FSTL5: variants seen among roughly 807,000 people sequenced by gnomAD.
The protein encoded by FSTL5 is follistatin like 5, also known as follistatin-related protein 5.
A neutral mutation model predicts 89.1 loss-of-function variants in FSTL5; 62 were observed. That is an observed-to-expected ratio of 0.70 (90% confidence interval 0.57 to 0.86). FSTL5 has a LOEUF of 0.86. Among genes scored for constraint, FSTL5 ranks in the 40% least tolerant of loss-of-function variants. The pLI is 0.00. For missense variants in FSTL5, 1,057 were observed against 1,001.6 expected, an observed-to-expected ratio of 1.06 and a Z score of -0.75; for synonymous variants, 383 against 346.2, an observed-to-expected ratio of 1.11 and a Z score of -1.18.
intron 3 of FSTL5, among the ~76,000 whole-genome samples, chr4:161,999,981 G>C (rs1736413747): frequency 6.6e-6 from 1 of 152,156 alleles, no homozygotes; most frequent in Admixed American, 6.5e-5. Flanking sequence ...TATCATATAA[G>C]GTCAGCCTGT....
At chr4:161,415,669 G>T (rs1731748505) in intron 15 of FSTL5, among the ~76,000 whole-genome samples, 1 of 150,352 alleles carries the variant, frequency 6.7e-6, no homozygotes, top group African/African-American at 2.5e-5. Context: ...TATATAGAGA[G>T]AGAGAGAGAG....
At chr4:161,509,666 G>A (rs1292254354) in intron 11 of FSTL5, among the ~76,000 whole-genome samples, 2 of 152,136 alleles carry the variant, frequency 1.3e-5, no homozygotes, top group Admixed American at 6.5e-5. Context: ...GGTGGGTTTT[G>A]AAGACAATTT....
intron 6 of FSTL5, among the ~76,000 whole-genome samples, chr4:161,744,621 T>G (rs1283977179): frequency 1.3e-5 from 2 of 152,062 alleles, no homozygotes; most frequent in South Asian, 2.1e-4. Flanking sequence ...AAGTCTCTAA[T>G]AGTCACTAAA....
chr4:161,992,920 ATATATG>A (rs1317633024), intron 3 of FSTL5, among the ~76,000 whole-genome samples: 2 of 11,628 alleles, frequency 1.7e-4, no homozygotes, highest in African/African-American at 3.7e-4. Flanking sequence ...ATATATATAT[ATATATG>A]TGTGTATATA....
intron 2 of FSTL5, among the ~76,000 whole-genome samples, chr4:162,098,147 T>A (rs960663594): frequency 6.6e-6 from 1 of 152,008 alleles, no homozygotes; most frequent in Non-Finnish European, 1.5e-5. Context: ...TAAAAAGGAA[T>A]TCACTACTGA....
At chr4:161,753,562 T>C (rs67972895) in intron 6 of FSTL5, among the ~76,000 whole-genome samples, 30,414 of 152,116 alleles carry the variant, frequency 0.2, 3,088 homozygotes, top group Middle Eastern at 0.32. Context: ...AACTCTGCTA[T>C]TTTTCTCAAA....
At chr4:161,637,944 C>T (rs571852071) in intron 7 of FSTL5, among the ~76,000 whole-genome samples, 2,791 of 148,492 alleles carry the variant, frequency 0.019, 67 homozygotes, top group South Asian at 0.12. Context: ...CTTGGCGATG[C>T]GGGCTCTTTT....
chr4:161,436,622 A>C (rs1732569065), intron 15 of FSTL5, among the ~76,000 whole-genome samples: 1 of 152,194 alleles, frequency 6.6e-6, no homozygotes, highest in African/African-American at 2.4e-5. Context: ...AACTCTGTTT[A>C]TGTATTAAGC....
chr4:162,020,733 C>T (rs1277562551), intron 3 of FSTL5, among the ~76,000 whole-genome samples: 1 of 150,978 alleles, frequency 6.6e-6, no homozygotes, highest in Non-Finnish European at 1.5e-5. Flanking sequence ...TCTTATTTAA[C>T]TAAAAGAAAA....
At chr4:161,515,160 A>C (rs2126506929) in intron 10 of FSTL5, among the ~76,000 whole-genome samples, 2 of 152,174 alleles carry the variant, frequency 1.3e-5, no homozygotes, top group Admixed American at 1.3e-4. Context: ...AAAAAACCTC[A>C]AATTTAATTG....
intron 4 of FSTL5, among the ~76,000 whole-genome samples, chr4:161,792,383 T>C (rs748552363): frequency 3.9e-5 from 6 of 152,030 alleles, no homozygotes; most frequent in Admixed American, 6.6e-5. Flanking sequence ...GGATGGCAGG[T>C]TGATGACGGC....
chr4:161,459,305 G>T lies in FSTL5; in HGVS notation c.1623C>A (p.Asp541Glu). 1.2e-6 allele frequency: 2 copies of T among 1,611,214 alleles called. No homozygotes were observed. Among genetic ancestry groups the T allele is most frequent in the Non-Finnish European group, 1.7e-6 (2 of 1,177,612 alleles). ...CATAGTGTAATTTAACTGGGACAGG[G>T]TCTGTGCTCACTGCCTACAATAAAG... ...SQKVVQAVST[D>E]PVPVKLHYDK... The change falls in exon 14 of 16, where the codon GAC (aspartate) becomes GAA (glutamate). Residue 541 changes from aspartate (D) to glutamate (E), a missense_variant. Physicochemically the swap from Asp to Glu is conservative, Grantham distance 45. Coordinates refer to ENST00000306100, the MANE Select transcript of FSTL5 (RefSeq NM_020116.5).
intron 1 of FSTL5, among the ~76,000 whole-genome samples, chr4:162,162,904 T>G (rs1733749073): frequency 6.6e-6 from 1 of 152,100 alleles, no homozygotes; most frequent in African/African-American, 2.4e-5. Context: ...TACATCCACC[T>G]CTAACCTGAG....
intron 6 of FSTL5, among the ~76,000 whole-genome samples, chr4:161,704,223 C>T (rs982661814): frequency 2.0e-5 from 3 of 152,132 alleles, no homozygotes; most frequent in African/African-American, 7.2e-5. Context: ...CCAGAAGCCC[C>T]CTCCCTGCTT....
At chr4:161,497,018 A>G (rs1730110566) in intron 12 of FSTL5, among the ~76,000 whole-genome samples, 1 of 152,214 alleles carries the variant, frequency 6.6e-6, no homozygotes, top group South Asian at 2.1e-4. Flanking sequence ...TATTATTAAG[A>G]GAATGTAGCA....
At chr4:161,834,952 C>T (rs1211739034) in intron 4 of FSTL5, among the ~76,000 whole-genome samples, 1 of 148,796 alleles carries the variant, frequency 6.7e-6, no homozygotes, top group African/African-American at 2.5e-5. Context: ...GAAAAAACTA[C>T]TTTAAAGTTC....
At chr4:161,746,351 C>T (rs1002319009) in intron 6 of FSTL5, among the ~76,000 whole-genome samples, 2 of 151,972 alleles carry the variant, frequency 1.3e-5, no homozygotes, top group African/African-American at 4.8e-5. Context: ...TCCTTAAATC[C>T]ATAACTTCTG....
chr4:161,917,673 A>T lies in FSTL5; in HGVS notation c.409+2731T>A, dbSNP rs377203506. Among the ~76,000 whole-genome samples, 8 of 152,322 alleles carry T rather than the reference A, an allele frequency of 5.3e-5. No individual in the cohort carries two copies. In the East Asian group the frequency reaches 1.4e-3, roughly 26 times the overall value. ...GTCAAGAAGATACAGAATAGTAAAGATCTGCTAATAATTTTTAAAATAAAT... is the reference window on the plus strand; with the variant it reads ...GTCAAGAAGATACAGAATAGTAAAGTTCTGCTAATAATTTTTAAAATAAAT... On this transcript the variant is annotated intron_variant, in intron 4 of 15. Transcript: ENST00000306100.
chr4:161,468,636 G>T (rs991979372), intron 13 of FSTL5, among the ~76,000 whole-genome samples: 3 of 152,086 alleles, frequency 2.0e-5, no homozygotes, highest in African/African-American at 7.2e-5. Context: ...TCCTAAGTCA[G>T]TTCATTTGGT....
Sources: allele counts gnomAD v4.1 joint callset (sites outside exome capture counted in the v4.1 genomes callset), GRCh38; gene constraint gnomAD v4.1.1; transcripts MANE v1.5; gene names NCBI Gene and HGNC (gene_info 2026-07-23, HGNC 2026-07-21).